Variants in TGFB1 observed in about 807,000 individuals in gnomAD.
TGFB1 encodes transforming growth factor beta-1 proprotein.
A neutral mutation model predicts 43.8 loss-of-function variants in TGFB1; 19 were observed. That is an observed-to-expected ratio of 0.43 (90% CI 0.30 to 0.64). TGFB1 has a LOEUF of 0.64. TGFB1 is among the 30% of genes least tolerant of loss of function. The pLI is 0.11. For synonymous variants in TGFB1, 221 were observed against 236.3 expected (o/e 0.94, Z 0.60); for missense variants, 445 against 529.8 (o/e 0.84, Z 1.57).
chr19:41,331,501 C>T (rs1434569748), intron 6 of TGFB1, among the ~76,000 whole-genome samples: 2 of 151,328 alleles, frequency 1.3e-5, no homozygotes, highest in Non-Finnish European at 2.9e-5. Flanking sequence ...CTCCTGAGCG[C>T]AAGCCATCCT....
intron 5 of TGFB1, among the ~76,000 whole-genome samples, chr19:41,335,412 G>A (rs2037978025): frequency 6.6e-6 from 1 of 152,086 alleles, no homozygotes; most frequent in South Asian, 2.1e-4. Context: ...CCTAGGATTT[G>A]AACAATCTGT....
At position 41,352,979 on chromosome 19, in the gene TGFB1, C is replaced by T; in HGVS notation, c.66G>A (p.Thr22=). ...LLPLLWLLVL[T]PGRPAAGLST... ...ATAGTCCCGCGGCCGGCCGGCCAGG[C>T]GTCAGCACCAGTAGCCACAGCAGCG... Residue 22 remains threonine, a synonymous_variant, in exon 1 of 7, where the codon ACG becomes ACA. Coordinates refer to ENST00000221930, the MANE Select transcript of TGFB1 (RefSeq NM_000660.7). 1 of 1,542,066 alleles carries T rather than the reference C, an allele frequency of 6.5e-7. No homozygotes were observed. The highest frequency in any genetic ancestry group is 8.7e-7 in the Non-Finnish European group (1 of 1,147,752).
chr19:41,340,818 T>C (rs1013064052), intron 5 of TGFB1, among the ~76,000 whole-genome samples: 1 of 152,210 alleles, frequency 6.6e-6, no homozygotes, highest in Non-Finnish European at 1.5e-5. Flanking sequence ...CATCTTCCCA[T>C]TTTGAATCCC....
At chr19:41,335,807 T>C (rs2037982268) in intron 5 of TGFB1, among the ~76,000 whole-genome samples, 2 of 152,076 alleles carry the variant, frequency 1.3e-5, no homozygotes, top group East Asian at 1.9e-4. Flanking sequence ...CTGGGGAGCA[T>C]AGTGAGACCC....
intron 5 of TGFB1, among the ~76,000 whole-genome samples, chr19:41,339,881 G>A (rs1056271191): frequency 6.6e-6 from 1 of 152,128 alleles, no homozygotes; most frequent in African/African-American, 2.4e-5. Flanking sequence ...GCTAAGATCT[G>A]GTGGTGAAGG....
chr19:41,346,215 T>C (rs1229498963), intron 2 of TGFB1, among the ~76,000 whole-genome samples: 1 of 152,108 alleles, frequency 6.6e-6, no homozygotes, highest in Non-Finnish European at 1.5e-5. Flanking sequence ...CTAGGTGTGG[T>C]GGTGCATGCC....
chr19:41,352,481 T>G (rs1381323083), intron 1 of TGFB1, among the ~76,000 whole-genome samples: 1 of 151,838 alleles, frequency 6.6e-6, no homozygotes, highest in East Asian at 1.9e-4. Context: ...CGCTATCTCC[T>G]CCTCTCCAAG....
chr19:41,339,772 C>T (rs78660714), intron 5 of TGFB1, among the ~76,000 whole-genome samples: 19 of 151,466 alleles, frequency 1.3e-4, no homozygotes, highest in Admixed American at 5.3e-4. Context: ...TGCAGTGAGC[C>T]GAGATCACGC....
chr19:41,344,786 C>A lies in TGFB1; in HGVS notation c.595G>T (p.Asp199Tyr). ...PSDSPEWLSF[D>Y]VTGVVRQWLS... Reference sequence around the variant, plus strand: ...CACTGCCGCACAACTCCGGTGACATCAAAAGATAACCACTCTGGCGAGTCG... The same window carrying A: ...CACTGCCGCACAACTCCGGTGACATAAAAAGATAACCACTCTGGCGAGTCG... The change falls in exon 3 of 7, where the codon GAT (aspartate) becomes TAT (tyrosine). Residue 199 changes from aspartate (D) to tyrosine (Y), a missense_variant. This residue lies in a region of TGFB1 where 366 missense variants were observed against 428.8 expected (regional missense o/e 0.85). Transcript: ENST00000221930. 6.2e-7 allele frequency: 1 copy of A among 1,613,900 alleles called. No individual in the cohort carries two copies. The highest frequency in any genetic ancestry group is 8.5e-7 in the Non-Finnish European group (1 of 1,179,946).
chr19:41,352,669 C>G (rs963205918), intron 1 of TGFB1, 21 bp downstream of exon 1: 1 of 1,611,646 alleles, frequency 6.2e-7, no homozygotes, highest in Non-Finnish European at 8.5e-7. Context: ...CCTCCCGGCT[C>G]CCCTGCCCCT....
At chr19:41,348,234 T>C (rs1205146529) in intron 2 of TGFB1, 61 bp downstream of exon 2, 1 of 1,599,414 alleles carries the variant, frequency 6.3e-7, no homozygotes, top group Non-Finnish European at 8.5e-7. Flanking sequence ...AGCCACCCCC[T>C]TGGTCACAGC....
chr19:41,333,209 A>ATTTTTTT (rs1161079448), intron 5 of TGFB1, among the ~76,000 whole-genome samples: 2 of 86,400 alleles, frequency 2.3e-5, no homozygotes, highest in Non-Finnish European at 4.2e-5. Flanking sequence ...TTTTTTTTCT[A>ATTTTTTT]TTTTTTTTTT....
chr19:41,352,368 T>G (rs10420084), intron 1 of TGFB1, among the ~76,000 whole-genome samples: 1 of 83,252 alleles, frequency 1.2e-5, no homozygotes, highest in African/African-American at 4.7e-5. Flanking sequence ...CAACGCGTCC[T>G]GGAAGAGGGA....
intron 1 of TGFB1, among the ~76,000 whole-genome samples, chr19:41,350,093 G>A (rs575337863): frequency 9.0e-4 from 137 of 151,858 alleles, no homozygotes; most frequent in African/African-American, 3.0e-3. Flanking sequence ...GGATCCTCAC[G>A]CCTCAGCCTC....
At chr19:41,332,008 T>A in intron 6 of TGFB1, 120 bp downstream of exon 6, 170 of 982,798 alleles carry the variant, frequency 1.7e-4, no homozygotes, top group East Asian at 2.6e-4. Flanking sequence ...CCCCACCCCA[T>A]CCCTCTCTTT....
chr19:41,352,596 A>T, intron 1 of TGFB1, 94 bp downstream of exon 1: 1 of 1,448,232 alleles, frequency 6.9e-7, no homozygotes, highest in Non-Finnish European at 9.5e-7. Context: ...TCCTCCAGCC[A>T]GTTTCTTCTG....
chr19:41,352,810 C>T lies in TGFB1; in HGVS notation c.235G>A (p.Ala79Thr). 6.2e-7 allele frequency: 1 copy of T among 1,603,426 alleles called. No homozygotes were observed. Among genetic ancestry groups the T allele is most frequent in the South Asian group, 1.1e-5 (1 of 89,956 alleles). Reference protein sequence around the residue: ...PPGPLPEAVLALYNSTRDRVA... With the variant: ...PPGPLPEAVLTLYNSTRDRVA... The stretch of plus-strand genomic sequence containing the variant: ...CGGTCGCGGGTGCTGTTGTACAGGG[C>T]GAGCACGGCCTCGGGCAGCGGGCCG... The change falls in exon 1 of 7, where the codon GCC (alanine) becomes ACC (threonine). Residue 79 changes from alanine (A) to threonine (T), a missense_variant. Transcript: ENST00000221930.
intron 5 of TGFB1, among the ~76,000 whole-genome samples, chr19:41,337,174 T>C (rs955211936): frequency 2.6e-5 from 4 of 152,000 alleles, no homozygotes; most frequent in Non-Finnish European, 5.9e-5. Flanking sequence ...GGAGTCTCAC[T>C]CTTGTTGCCC....
At chr19:41,331,297 G>A (rs1390407367) in intron 6 of TGFB1, 87 bp from the exon 7 acceptor site, 5 of 1,400,930 alleles carry the variant, frequency 3.6e-6, no homozygotes, top group Non-Finnish European at 4.7e-6. Context: ...CCGCTACCGC[G>A]CCAGCCTCTC....
Sources: gnomAD v4.1 joint callset for allele counts (sites outside exome capture counted in the v4.1 genomes callset) on GRCh38, gnomAD v4.1.1 for gene constraint, gnomAD v4.1.1 regional missense constraint, MANE v1.5 for transcripts, NCBI Gene and HGNC (gene_info 2026-07-23, HGNC 2026-07-21) for gene names.